ZNF407: variants seen among roughly 807,000 people sequenced by gnomAD.
The protein encoded by ZNF407 is zinc finger protein 407.
ZNF407 carries 17 observed loss-of-function variants against 131.2 expected under a neutral mutation model. That is an observed-to-expected ratio of 0.13 (90% CI 0.09 to 0.19). The LOEUF (loss-of-function observed/expected upper bound fraction) is 0.19, where lower values mean the gene tolerates loss of function less well. Ranked by LOEUF, ZNF407 falls within the 10% of genes least tolerant of loss-of-function variation. The probability of loss-of-function intolerance (pLI) is 1.00; values close to 1 mark genes in which losing one functional copy is unlikely to be tolerated. For missense variants in ZNF407, 2,681 were observed against 2,830.6 expected (o/e 0.95, Z 1.20); for synonymous variants, 1,156 against 1,062.0 (o/e 1.09, Z -1.72).
At chr18:74,769,882 A>T (rs1599139646) in intron 3 of ZNF407, among the ~76,000 whole-genome samples, 1 of 152,240 alleles carries the variant, frequency 6.6e-6, no homozygotes, top group African/African-American at 2.4e-5. Context: ...GACACCTGAA[A>T]CTAGGCCTAT....
intron 8 of ZNF407, among the ~76,000 whole-genome samples, chr18:75,036,627 T>G (rs1022946223): frequency 6.6e-6 from 1 of 152,220 alleles, no homozygotes; most frequent in Admixed American, 6.5e-5. Flanking sequence ...CTTCTCAAAA[T>G]AACATTGATA....
chr18:74,777,936 G>A (rs1489035453), intron 3 of ZNF407, among the ~76,000 whole-genome samples: 1 of 152,082 alleles, frequency 6.6e-6, no homozygotes, highest in East Asian at 1.9e-4. Context: ...AATTTAAATA[G>A]CCAGGCCCAG....
chr18:74,936,892 G>A (rs918529565), intron 8 of ZNF407, among the ~76,000 whole-genome samples: 1 of 152,116 alleles, frequency 6.6e-6, no homozygotes, highest in Non-Finnish European at 1.5e-5. Context: ...AAACTTTTTG[G>A]TGAGAGAGGT....
At chr18:74,743,784 A>T (rs1209611671) in intron 3 of ZNF407, among the ~76,000 whole-genome samples, 1 of 151,964 alleles carries the variant, frequency 6.6e-6, no homozygotes, top group Non-Finnish European at 1.5e-5. Flanking sequence ...GTATATTGTG[A>T]TTTATTAAAG....
At chr18:74,870,283 G>A (rs949078430) in intron 4 of ZNF407, among the ~76,000 whole-genome samples, 3 of 152,176 alleles carry the variant, frequency 2.0e-5, no homozygotes, top group Admixed American at 6.5e-5. Flanking sequence ...CATGAGTGAG[G>A]TTAATTTTCT....
intron 8 of ZNF407, among the ~76,000 whole-genome samples, chr18:74,982,335 T>C (rs1487530325): frequency 6.6e-6 from 1 of 152,226 alleles, no homozygotes; most frequent in Admixed American, 6.5e-5. Flanking sequence ...CCAGACATTC[T>C]ATAGTCTCTT....
intron 4 of ZNF407, among the ~76,000 whole-genome samples, chr18:74,869,947 A>G (rs1971064275): frequency 6.6e-6 from 1 of 152,212 alleles, no homozygotes; most frequent in Non-Finnish European, 1.5e-5. Flanking sequence ...GGAAAATTTC[A>G]GCTAAAATTA....
intron 6 of ZNF407, among the ~76,000 whole-genome samples, chr18:74,882,543 A>G (rs1971252792): frequency 2.0e-5 from 3 of 152,252 alleles, no homozygotes; most frequent in Admixed American, 2.0e-4. Flanking sequence ...TGCAAGATCA[A>G]TGCAAGCTAA....
At chr18:74,707,226 C>T (rs1001601265) in intron 3 of ZNF407, among the ~76,000 whole-genome samples, 3 of 152,280 alleles carry the variant, frequency 2.0e-5, no homozygotes, top group Middle Eastern at 3.4e-3. Context: ...GCTGGGATTA[C>T]AGGAGTGAGT....
chr18:74,815,103 C>T (rs1429274453), intron 4 of ZNF407, among the ~76,000 whole-genome samples: 1 of 151,472 alleles, frequency 6.6e-6, no homozygotes, highest in Non-Finnish European at 1.5e-5. Flanking sequence ...CATATTTTAT[C>T]AGTAGAATTT....
intron 8 of ZNF407, among the ~76,000 whole-genome samples, chr18:74,969,951 G>A (rs1243628495): frequency 6.6e-6 from 1 of 152,132 alleles, no homozygotes; most frequent in Admixed American, 6.5e-5. Flanking sequence ...AGACTGGGAA[G>A]AAAAGGAAGT....
chr18:74,956,705 G>A (rs915552818), intron 8 of ZNF407, among the ~76,000 whole-genome samples: 13 of 152,184 alleles, frequency 8.5e-5, no homozygotes, highest in Admixed American at 3.3e-4. Flanking sequence ...TGACTGGAAG[G>A]AAGGAAGGAA....
chr18:74,855,889 A>C (rs933525997), intron 4 of ZNF407, among the ~76,000 whole-genome samples: 44 of 152,300 alleles, frequency 2.9e-4, no homozygotes, highest in African/African-American at 1.0e-3. Flanking sequence ...GCTTTATCCC[A>C]TTCAATTTGA....
intron 8 of ZNF407, among the ~76,000 whole-genome samples, chr18:74,921,565 A>G (rs1235605595): frequency 6.6e-6 from 1 of 152,162 alleles, no homozygotes; most frequent in African/African-American, 2.4e-5. Flanking sequence ...ATTATTGGCC[A>G]TATGACCTCA....
intron 8 of ZNF407, among the ~76,000 whole-genome samples, chr18:75,041,713 A>G (rs1451688214): frequency 6.6e-6 from 1 of 152,184 alleles, no homozygotes; most frequent in African/African-American, 2.4e-5. Context: ...AGTAGAAACT[A>G]AGGAACAGTG....
At position 74,633,030 on chromosome 18, in the gene ZNF407, G is replaced by A. The variant is rs369212596; in HGVS notation, c.2011G>A (p.Ala671Thr). 8.1e-6 allele frequency: 13 copies of A among 1,613,586 alleles called. No individual in the cohort carries two copies. Among genetic ancestry groups the A allele is most frequent in the Admixed American group, 3.3e-5 (2 of 59,952 alleles). ...TTTGAGTACTTTAGAATCAGAAAACGCAAAAGAGTCTATGGATGACTCAGG... is the reference window on the plus strand; with the variant it reads ...TTTGAGTACTTTAGAATCAGAAAACACAAAAGAGTCTATGGATGACTCAGG... Reference protein sequence around the residue: ...LPLSTLESENAKESMDDSGKA... With the variant: ...LPLSTLESENTKESMDDSGKA... Residue 671 changes from alanine (A) to threonine (T), a missense_variant, in exon 2 of 9, where the codon GCA becomes ACA. Around this residue, in one of 6 missense-constraint regions of ZNF407, gnomAD observed 1,789 missense variants for 1,748.7 expected, o/e 1.02. Coordinates refer to ENST00000299687, the MANE Select transcript of ZNF407 (RefSeq NM_017757.3).
chr18:74,713,016 G>T (rs966400561), intron 3 of ZNF407, among the ~76,000 whole-genome samples: 1 of 152,214 alleles, frequency 6.6e-6, no homozygotes, highest in South Asian at 2.1e-4. Context: ...TAAGTAGCAA[G>T]GGTTGGAACA....
chr18:75,013,223 A>G (rs144991675), intron 8 of ZNF407, among the ~76,000 whole-genome samples: 7 of 152,268 alleles, frequency 4.6e-5, no homozygotes, highest in African/African-American at 1.7e-4. Context: ...GGGCAATTGT[A>G]GGAAAGTGGG....
intron 4 of ZNF407, among the ~76,000 whole-genome samples, chr18:74,828,464 C>A (rs1324943457): frequency 6.6e-6 from 1 of 152,200 alleles, no homozygotes; most frequent in Non-Finnish European, 1.5e-5. Flanking sequence ...AGATTTATAT[C>A]TGACGAGGCT....
Sources: allele counts gnomAD v4.1 joint callset (sites outside exome capture counted in the v4.1 genomes callset), GRCh38; gene constraint gnomAD v4.1.1; regional missense constraint gnomAD v4.1.1; transcripts MANE v1.5; gene names NCBI Gene and HGNC (gene_info 2026-07-23, HGNC 2026-07-21).